FAAH2: variants seen among roughly 807,000 people sequenced by gnomAD.
FAAH2 encodes the protein fatty acid amide hydrolase 2.
Under a neutral mutation model 36.9 loss-of-function variants are expected in FAAH2, and 60 were observed. The observed-to-expected ratio is 1.63, with a 90% CI of 1.32 to 2.02. The LOEUF (loss-of-function observed/expected upper bound fraction) is 2.02. FAAH2 is among the 30% of genes most tolerant of loss of function. The pLI is 0.00. For synonymous variants in FAAH2, 214 were observed against 143.8 expected (o/e 1.49, Z -3.49); for missense variants, 689 against 397.5 (o/e 1.73, Z -6.23).
intron 10 of FAAH2, among the ~76,000 whole-genome samples, chrX:57,480,394 C>G (rs184842160): frequency 1.8e-5 from 2 of 111,862 alleles, no homozygotes; most frequent in African/African-American, 3.2e-5. Context: ...TCCAGCAGCA[C>G]GTCGAAAACC....
At chrX:57,227,988 C>T in the FAAH2 span, among the ~76,000 whole-genome samples, 2 of 111,862 alleles carry the variant, frequency 1.8e-5, no homozygotes, top group African/African-American at 6.5e-5. Context: ...GTCTCACTCC[C>T]ACCATGCCCT....
At chrX:57,411,884 A>G (rs1247807049) in intron 7 of FAAH2, among the ~76,000 whole-genome samples, 1 of 112,050 alleles carries the variant, frequency 8.9e-6, no homozygotes, top group Non-Finnish European at 1.9e-5. Flanking sequence ...GAAAGCTCCC[A>G]CAACATTATT....
chrX:57,160,354 TA>T, the FAAH2 span, among the ~76,000 whole-genome samples: 1 of 111,939 alleles, frequency 8.9e-6, no homozygotes, highest in Non-Finnish European at 1.9e-5. Flanking sequence ...GCTGGCCTCA[TA>T]AAATGAGTTA....
At chrX:57,162,296 T>G in the FAAH2 span, among the ~76,000 whole-genome samples, 1 of 111,646 alleles carries the variant, frequency 9.0e-6, no homozygotes, top group Non-Finnish European at 1.9e-5. Context: ...CCTTAACATT[T>G]TTTCCTTCAT....
chrX:57,272,743 C>T, the FAAH2 span, among the ~76,000 whole-genome samples: 2 of 112,344 alleles, frequency 1.8e-5, no homozygotes, highest in East Asian at 5.6e-4. Flanking sequence ...CCTTACAGAG[C>T]TCCTGAAGTG....
chrX:57,319,707 A>T (rs1005604299), intron 3 of FAAH2, among the ~76,000 whole-genome samples: 12 of 112,091 alleles, frequency 1.1e-4, no homozygotes, highest in African/African-American at 3.9e-4. Flanking sequence ...GAGCTCCGAT[A>T]GCCAAGACAA....
At chrX:57,435,053 T>C (rs889220540) in intron 8 of FAAH2, among the ~76,000 whole-genome samples, 1 of 111,813 alleles carries the variant, frequency 8.9e-6, no homozygotes, top group Non-Finnish European at 1.9e-5. Context: ...AGAAATAAAG[T>C]CTTTTCCAGA....
intron 3 of FAAH2, among the ~76,000 whole-genome samples, chrX:57,325,308 G>A (rs1411509191): frequency 9.0e-6 from 1 of 110,752 alleles, no homozygotes; most frequent in Non-Finnish European, 1.9e-5. Flanking sequence ...GTCTTTTTTG[G>A]TTGTGTCTCT....
chrX:57,192,348 T>G, the FAAH2 span, among the ~76,000 whole-genome samples: 69 of 112,054 alleles, frequency 6.2e-4, no homozygotes, highest in African/African-American at 2.1e-3. Flanking sequence ...AGTTTTTTTT[T>G]GTGGCATCTT....
intron 5 of FAAH2, among the ~76,000 whole-genome samples, chrX:57,363,330 C>T (rs2054331473): frequency 9.0e-6 from 1 of 111,333 alleles, no homozygotes; most frequent in Non-Finnish European, 1.9e-5. Flanking sequence ...ATCTTTGTGG[C>T]TATCATAAAT....
intron 7 of FAAH2, among the ~76,000 whole-genome samples, chrX:57,413,446 G>A (rs1055124776): frequency 2.7e-5 from 3 of 112,053 alleles, no homozygotes; most frequent in African/African-American, 6.5e-5. Flanking sequence ...CATATGGCTA[G>A]CCAGTTTTCA....
At chrX:57,455,444 A>T (rs779526722) in intron 10 of FAAH2, among the ~76,000 whole-genome samples, 2 of 111,022 alleles carry the variant, frequency 1.8e-5, no homozygotes, top group Non-Finnish European at 3.8e-5. Flanking sequence ...AATCTCATAA[A>T]TTAATACTAA....
intron 10 of FAAH2, among the ~76,000 whole-genome samples, chrX:57,452,783 A>G (rs2056808135): frequency 8.9e-6 from 1 of 112,298 alleles, no homozygotes; most frequent in Non-Finnish European, 1.9e-5. Context: ...AAGTGTGAAA[A>G]ATGATCAAAT....
At chrX:57,266,797 G>A in the FAAH2 span, among the ~76,000 whole-genome samples, 1 of 112,462 alleles carries the variant, frequency 8.9e-6, no homozygotes, top group East Asian at 2.8e-4. Context: ...CAAAGTGGTG[G>A]AACAGCAAGC....
chrX:57,463,439 T>C (rs1018332743), intron 10 of FAAH2, among the ~76,000 whole-genome samples: 2 of 111,167 alleles, frequency 1.8e-5, no homozygotes, highest in Admixed American at 9.6e-5. Context: ...CAAAACACCA[T>C]AGTATTGGCA....
At chrX:57,361,950 T>C (rs2054295401) in intron 5 of FAAH2, among the ~76,000 whole-genome samples, 1 of 111,596 alleles carries the variant, frequency 9.0e-6, no homozygotes, top group African/African-American at 3.3e-5. Context: ...CCTTCATTAT[T>C]TTGAAGATAG....
At chrX:57,428,531 T>C (rs2056216614) in intron 7 of FAAH2, among the ~76,000 whole-genome samples, 1 of 111,969 alleles carries the variant, frequency 8.9e-6, no homozygotes, top group African/African-American at 3.2e-5. Flanking sequence ...ATGGTATTGG[T>C]ATAAAAATAG....
chrX:57,409,400 G>T lies in FAAH2; in HGVS notation c.997-22518G>T, dbSNP rs370783642. 1.2e-4 allele frequency among the ~76,000 whole-genome samples: 13 copies of T among 111,177 alleles called. No homozygotes were observed. The South Asian group carries it at 4.5e-3, about 38-fold the overall frequency. ...GGCCTTGATATCAGGGTAATGCTGG[G>T]CTTGTAGAATAGGTCTGTAATTTTT... On this transcript the variant is annotated intron_variant, in intron 7 of 10. Transcript: ENST00000374900.
chrX:57,334,268 T>TCACACACACACACACACA (rs60873866), intron 4 of FAAH2, among the ~76,000 whole-genome samples: 32,813 of 85,269 alleles, frequency 0.38, 6,987 homozygotes, highest in Non-Finnish European at 0.52. Context: ...AGATTCCGTC[T>TCACACACACACACACACA]CACACACACA....
Sources: allele counts gnomAD v4.1 joint callset (sites outside exome capture counted in the v4.1 genomes callset), GRCh38; gene constraint gnomAD v4.1.1; transcripts MANE v1.5; gene names NCBI Gene and HGNC (gene_info 2026-07-23, HGNC 2026-07-21).